CACNA2D3: variants seen among roughly 807,000 people sequenced by gnomAD.
CACNA2D3 encodes voltage-dependent calcium channel subunit alpha-2/delta-3.
In CACNA2D3, 60 loss-of-function variants were observed where a neutral mutation model predicts 160.6. That is an observed-to-expected ratio of 0.37 (90% CI 0.30 to 0.46). The LOEUF is 0.46. CACNA2D3 is among the 20% of genes least tolerant of loss of function. The pLI is 1.00. For synonymous variants in CACNA2D3, 558 were observed against 492.9 expected (o/e 1.13, Z -1.75); for missense variants, 1,205 against 1,365.0 (o/e 0.88, Z 1.85).
intron 11 of CACNA2D3, among the ~76,000 whole-genome samples, chr3:54,706,869 T>A (rs996152188): frequency 2.0e-5 from 3 of 152,234 alleles, no homozygotes; most frequent in Non-Finnish European, 4.4e-5. Context: ...TGTCATGATA[T>A]GGTTGGGAAA....
intron 11 of CACNA2D3, among the ~76,000 whole-genome samples, chr3:54,705,727 A>C (rs1331237335): frequency 1.3e-5 from 2 of 152,234 alleles, no homozygotes; most frequent in African/African-American, 2.4e-5. Flanking sequence ...TAATTATAGC[A>C]TAATAGGGCA....
chr3:54,821,242 A>C (rs1334080253), intron 14 of CACNA2D3, among the ~76,000 whole-genome samples: 2 of 152,212 alleles, frequency 1.3e-5, no homozygotes, highest in Non-Finnish European at 2.9e-5. Context: ...GTTAAAGCAA[A>C]CCACATCTCT....
chr3:54,287,517 C>T (rs538891049), intron 2 of CACNA2D3, among the ~76,000 whole-genome samples: 19 of 149,484 alleles, frequency 1.3e-4, no homozygotes, highest in Middle Eastern at 3.4e-3. Flanking sequence ...GACAGATCAA[C>T]GAGACAGAAA....
intron 17 of CACNA2D3, among the ~76,000 whole-genome samples, chr3:54,846,869 C>T (rs1458360236): frequency 6.6e-6 from 1 of 152,126 alleles, no homozygotes. Context: ...AAATTAGACC[C>T]AAGATCCCTG....
intron 17 of CACNA2D3, among the ~76,000 whole-genome samples, chr3:54,869,941 G>A (rs57585702): frequency 0.15 from 22,182 of 152,134 alleles, 3,353 homozygotes; most frequent in African/African-American, 0.39. Context: ...TGGATCTGAT[G>A]TCATAAAACT....
At chr3:54,247,004 C>T (rs1489232074) in intron 2 of CACNA2D3, among the ~76,000 whole-genome samples, 2 of 152,162 alleles carry the variant, frequency 1.3e-5, no homozygotes, top group African/African-American at 4.8e-5. Flanking sequence ...GACATACCCA[C>T]AGAACAGATT....
intron 2 of CACNA2D3, among the ~76,000 whole-genome samples, chr3:54,144,266 G>C (rs1699986077): frequency 6.6e-6 from 1 of 152,200 alleles, no homozygotes; most frequent in Non-Finnish European, 1.5e-5. Flanking sequence ...TTGTGTGGCT[G>C]TGTCCCCTTT....
chr3:54,993,884 T>TTGTGTG (rs1702793913), intron 31 of CACNA2D3, among the ~76,000 whole-genome samples: 1 of 61,810 alleles, frequency 1.6e-5, no homozygotes, highest in Non-Finnish European at 3.0e-5. Context: ...TTGCAACTGC[T>TTGTGTG]AGTGTGTGTG....
chr3:54,460,848 T>C (rs1044265002), intron 4 of CACNA2D3, among the ~76,000 whole-genome samples: 2 of 152,228 alleles, frequency 1.3e-5, no homozygotes, highest in Admixed American at 1.3e-4. Flanking sequence ...ATCCCTGTCT[T>C]GTGCCAGTTT....
At chr3:54,407,759 C>T (rs973237382) in intron 4 of CACNA2D3, among the ~76,000 whole-genome samples, 1 of 152,080 alleles carries the variant, frequency 6.6e-6, no homozygotes, top group African/African-American at 2.4e-5. Context: ...GAAGAAGGGG[C>T]AGTGGGCAGA....
rs556806593 is a variant in CACNA2D3, at chr3:55,041,810, C to T, written c.2987+23493C>T. On this transcript the variant is annotated intron_variant, in intron 35 of 37. Transcript: ENST00000474759. ...ATAAACATTTAAATCTATACATTTC[C>T]CTCTAGGAGTGGTGATATTCCACAG... is the stretch of plus-strand genomic sequence containing the variant. Among the ~76,000 whole-genome samples, 6 of 151,728 alleles carry T rather than the reference C, an allele frequency of 4.0e-5. No individual in the cohort carries two copies. The South Asian group carries it at 1.3e-3, about 32-fold the overall frequency.
chr3:54,793,444 A>G (rs749731044), intron 13 of CACNA2D3, among the ~76,000 whole-genome samples: 1 of 152,202 alleles, frequency 6.6e-6, no homozygotes, highest in Non-Finnish European at 1.5e-5. Context: ...AATGTAGGCA[A>G]TGGGGATATA....
At chr3:54,965,133 T>C (rs1702119293) in intron 27 of CACNA2D3, among the ~76,000 whole-genome samples, 1 of 152,226 alleles carries the variant, frequency 6.6e-6, no homozygotes. Context: ...TACTCAGCTC[T>C]GCTATTGGAG....
chr3:54,262,812 C>T (rs950501023), intron 2 of CACNA2D3, among the ~76,000 whole-genome samples: 3 of 152,114 alleles, frequency 2.0e-5, no homozygotes, highest in African/African-American at 7.2e-5. Flanking sequence ...GAGCCACCTC[C>T]CAGTGCTGGG....
intron 9 of CACNA2D3, among the ~76,000 whole-genome samples, chr3:54,604,027 G>T: frequency 6.6e-6 from 1 of 151,846 alleles, no homozygotes; most frequent in Non-Finnish European, 1.5e-5. Context: ...TTACTTCTAG[G>T]GTCTTTTATT....
At chr3:55,060,140 A>G (rs1005977829) in intron 35 of CACNA2D3, among the ~76,000 whole-genome samples, 1 of 152,136 alleles carries the variant, frequency 6.6e-6, no homozygotes, top group Non-Finnish European at 1.5e-5. Context: ...CCTCCTGTCC[A>G]TATCAGTATG....
At chr3:54,240,381 A>G (rs1701953674) in intron 2 of CACNA2D3, among the ~76,000 whole-genome samples, 2 of 152,210 alleles carry the variant, frequency 1.3e-5, no homozygotes, top group South Asian at 4.1e-4. Flanking sequence ...CCAAGAGAAC[A>G]GTAATTACTA....
At chr3:54,966,513 C>T (rs758825259) in intron 27 of CACNA2D3, among the ~76,000 whole-genome samples, 2 of 152,178 alleles carry the variant, frequency 1.3e-5, no homozygotes, top group Non-Finnish European at 2.9e-5. Context: ...TGAGAATCAT[C>T]TGGGACACTT....
intron 9 of CACNA2D3, among the ~76,000 whole-genome samples, chr3:54,607,894 A>T (rs1698668903): frequency 6.6e-6 from 1 of 152,206 alleles, no homozygotes. Flanking sequence ...CTGCTAAGTT[A>T]AAAAAAGCCA....
Sources: gnomAD v4.1 joint callset for allele counts (sites outside exome capture counted in the v4.1 genomes callset) on GRCh38, gnomAD v4.1.1 for gene constraint, MANE v1.5 for transcripts, NCBI Gene and HGNC (gene_info 2026-07-23, HGNC 2026-07-21) for gene names.